The following FNDC3B variants were observed in gnomAD, a reference collection of about 807,000 sequenced individuals.
FNDC3B encodes fibronectin type III domain containing 3B, also known as fibronectin type III domain-containing protein 3B.
A neutral mutation model predicts 151.5 loss-of-function variants in FNDC3B; 12 were observed. The observed-to-expected ratio is 0.08, with a 90% CI of 0.05 to 0.13. The LOEUF is 0.13. Ranked by LOEUF, FNDC3B falls within the 10% of genes least tolerant of loss-of-function variation. The pLI is 1.00. For missense variants in FNDC3B, 1,214 were observed against 1,505.3 expected (o/e 0.81, Z 3.20); for synonymous variants, 528 against 549.0 (o/e 0.96, Z 0.54).
At chr3:172,347,822 C>T (rs1310316085) in intron 21 of FNDC3B, among the ~76,000 whole-genome samples, 2 of 152,156 alleles carry the variant, frequency 1.3e-5, no homozygotes, top group Non-Finnish European at 2.9e-5. Flanking sequence ...TTACAGGACC[C>T]CACCTCCCAC....
intron 3 of FNDC3B, among the ~76,000 whole-genome samples, chr3:172,217,947 A>T (rs2087120385): frequency 6.6e-6 from 1 of 152,164 alleles, no homozygotes; most frequent in Admixed American, 6.5e-5. Flanking sequence ...CCCTTATTTA[A>T]CAATTCTATC....
intron 25 of FNDC3B, among the ~76,000 whole-genome samples, chr3:172,395,237 AT>A (rs921310311): frequency 2.6e-5 from 4 of 151,796 alleles, no homozygotes; most frequent in African/African-American, 9.7e-5. Flanking sequence ...CATTTCTGCT[AT>A]TTTTTTCTTT....
intron 25 of FNDC3B, among the ~76,000 whole-genome samples, chr3:172,390,978 A>T (rs1233780331): frequency 7.2e-5 from 11 of 152,194 alleles, no homozygotes; most frequent in Admixed American, 7.2e-4. Context: ...AGAGGCCGTG[A>T]AACCTGGACC....
intron 23 of FNDC3B, among the ~76,000 whole-genome samples, chr3:172,376,517 G>T (rs1442712536): frequency 6.6e-6 from 1 of 152,132 alleles, no homozygotes; most frequent in Non-Finnish European, 1.5e-5. Context: ...ATATAATTAA[G>T]GGCAATTACT....
chr3:172,317,083 C>A, intron 11 of FNDC3B: 1 of 421,646 alleles, frequency 2.4e-6, no homozygotes. Context: ...AATGGCAATG[C>A]ATTTGTGAGG....
chr3:172,206,408 C>CA (rs887004521), intron 3 of FNDC3B, among the ~76,000 whole-genome samples: 2 of 152,052 alleles, frequency 1.3e-5, no homozygotes, highest in Non-Finnish European at 2.9e-5. Flanking sequence ...CCTGTAATCC[C>CA]AGCACTTTGG....
Position 172,331,419 on chromosome 3 carries a change from G to A in FNDC3B, c.1554+704G>A, listed in dbSNP as rs577656926. ...GTCACCCAGGCTGGAGTGCAGTGGC[G>A]CGATGTTGGCTCACCTCAAGCTCCG... On this transcript the variant is annotated intron_variant, in intron 13 of 25. Transcript: ENST00000415807. Among the ~76,000 whole-genome samples the A allele has an allele frequency of 1.7e-3, 264 of 152,210 alleles. 2 individuals carry two copies. Among genetic ancestry groups the A allele is most frequent in the African/African-American group, 2.9e-3 (122 of 41,532 alleles).
chr3:172,235,934 G>C (rs1365983309), intron 4 of FNDC3B, among the ~76,000 whole-genome samples: 1 of 152,240 alleles, frequency 6.6e-6, no homozygotes, highest in East Asian at 1.9e-4. Context: ...GATGTGACTG[G>C]CCTTCCCTTC....
intron 3 of FNDC3B, among the ~76,000 whole-genome samples, chr3:172,147,645 GCTGGTT>G: frequency 6.6e-6 from 1 of 152,272 alleles, no homozygotes; most frequent in East Asian, 1.9e-4. Context: ...AAACACAGTT[GCTGGTT>G]CTACCCCCAG....
chr3:172,180,757 T>C (rs1265858505), intron 3 of FNDC3B, among the ~76,000 whole-genome samples: 1 of 152,198 alleles, frequency 6.6e-6, no homozygotes, highest in African/African-American at 2.4e-5. Context: ...GATGCCCATA[T>C]AGGAAAGAGC....
Position 172,392,810 on chromosome 3 carries a change from C to CTTTCTTTTTT in FNDC3B, c.3304-4351_3304-4350insCTTTTTTTTT, listed in dbSNP as rs1491505881. 5.8e-4 allele frequency among the ~76,000 whole-genome samples: 58 copies of CTTTCTTTTTT among 99,890 alleles called. 6 individuals are homozygous for CTTTCTTTTTT. Among genetic ancestry groups the CTTTCTTTTTT allele is most frequent in the Middle Eastern group, 0.014 (2 of 140 alleles). 65.5% of individuals were successfully genotyped at this position (99,890 alleles called of 152,430 possible). A position where few individuals can be genotyped will look rare whatever the true frequency, so the allele number is the denominator to read the frequency against. The stretch of plus-strand genomic sequence containing the variant: ...GAATGAATTTTTTCTTTTTTTTTTT[C>CTTTCTTTTTT]TTTTTTTTTTTTCAGACAGAGAGTA... On this transcript the variant is annotated intron_variant, in intron 25 of 25. Transcript: ENST00000415807.
intron 11 of FNDC3B, 188 bp downstream of exon 11, chr3:172,311,069 G>A (rs1012400417): frequency 8.8e-6 from 5 of 571,346 alleles, no homozygotes; most frequent in African/African-American, 1.9e-5. Flanking sequence ...TATGAGTTGT[G>A]TATTGAAATA....
At chr3:172,260,041 T>C (rs1728567502) in intron 6 of FNDC3B, among the ~76,000 whole-genome samples, 1 of 152,230 alleles carries the variant, frequency 6.6e-6, no homozygotes, top group Non-Finnish European at 1.5e-5. Flanking sequence ...TGTAAACCCA[T>C]GTTATTTTCT....
intron 1 of FNDC3B, among the ~76,000 whole-genome samples, chr3:172,084,478 CACACACAT>C (rs1458486452): frequency 2.6e-5 from 4 of 151,758 alleles, no homozygotes; most frequent in African/African-American, 9.7e-5. Flanking sequence ...TGTATACACA[CACACACAT>C]ACACACACAC....
chr3:172,043,635 G>A (rs1439017512), intron 1 of FNDC3B, among the ~76,000 whole-genome samples: 1 of 152,062 alleles, frequency 6.6e-6, no homozygotes, highest in East Asian at 1.9e-4. Flanking sequence ...GTTACATTCA[G>A]CCCTTAAATG....
chr3:172,387,271 T>C (rs187721506), intron 25 of FNDC3B, among the ~76,000 whole-genome samples: 11 of 152,276 alleles, frequency 7.2e-5, no homozygotes, highest in African/African-American at 2.2e-4. Flanking sequence ...TTTATTTTTG[T>C]ATTTTTAGTG....
chr3:172,190,817 T>C (rs1229169649), intron 3 of FNDC3B, among the ~76,000 whole-genome samples: 1 of 152,136 alleles, frequency 6.6e-6, no homozygotes, highest in African/African-American at 2.4e-5. Context: ...TACAGGCATG[T>C]ACCACCATGC....
At chr3:172,220,545 T>C (rs186308276) in intron 3 of FNDC3B, among the ~76,000 whole-genome samples, 19 of 152,340 alleles carry the variant, frequency 1.2e-4, no homozygotes, top group African/African-American at 3.6e-4. Flanking sequence ...TATCTGTCTT[T>C]TGTTGCTTGT....
Position 172,311,019 on chromosome 3 carries a change from G to C in FNDC3B, c.1254+138G>C, listed in dbSNP as rs1731450174. ...GCTAGTAGAGAAATTTAAATCAATA[G>C]TTATTGACTATGGAAAATGAAGTTA... On this transcript the variant is annotated intron_variant, in intron 11 of 25. Transcript: ENST00000415807. 4 of 661,960 alleles carry C rather than the reference G, an allele frequency of 6.0e-6. No homozygotes were observed. The Admixed American group carries it at 1.0e-4, about 17-fold the overall frequency. 41.0% of individuals were successfully genotyped at this position (661,960 alleles called of 1,614,324 possible).
Sources: allele counts gnomAD v4.1 joint callset (sites outside exome capture counted in the v4.1 genomes callset), GRCh38; gene constraint gnomAD v4.1.1; transcripts MANE v1.5; gene names NCBI Gene and HGNC (gene_info 2026-07-23, HGNC 2026-07-21).